Variants in KLHL2 observed in about 807,000 individuals in gnomAD.
The protein encoded by KLHL2 is kelch like family member 2.
A neutral mutation model predicts 75.8 loss-of-function variants in KLHL2; 15 were observed. The ratio of observed to expected loss-of-function variants is 0.20; its 90% confidence interval spans 0.13 to 0.30. The LOEUF (loss-of-function observed/expected upper bound fraction) is 0.30, where lower values mean the gene tolerates loss of function less well. Among genes scored for constraint, KLHL2 ranks in the 10% least tolerant of loss-of-function variants. KLHL2 has a pLI of 1.00. For missense variants in KLHL2, 381 were observed against 741.0 expected (o/e 0.51, Z 5.64); for synonymous variants, 214 against 251.9 (o/e 0.85, Z 1.42).
intron 9 of KLHL2, among the ~76,000 whole-genome samples, chr4:165,306,134 A>G (rs1314826279): frequency 6.6e-6 from 1 of 152,234 alleles, no homozygotes; most frequent in East Asian, 1.9e-4. Flanking sequence ...ATTTGTTGAA[A>G]TAGACTTTCA....
intron 4 of KLHL2, 75 bp downstream of exon 4, chr4:165,238,974 G>A: frequency 6.6e-7 from 1 of 1,512,666 alleles, no homozygotes. Context: ...CACCCACACA[G>A]TATACAATTT....
chr4:165,210,379 G>T (rs1737126378), intron 1 of KLHL2, among the ~76,000 whole-genome samples: 1 of 152,074 alleles, frequency 6.6e-6, no homozygotes, highest in South Asian at 2.1e-4. Flanking sequence ...ACCATTCCTG[G>T]TTCCTTCAGG....
chr4:165,299,693 C>T (rs762550435), intron 8 of KLHL2, 37 bp downstream of exon 8: 18 of 1,536,914 alleles, frequency 1.2e-5, no homozygotes, highest in Non-Finnish European at 1.6e-5. Context: ...TTACCTCATG[C>T]AAAAGGCTTA....
intron 5 of KLHL2, chr4:165,277,748 AACAC>A (rs56079802): frequency 0.031 from 16,367 of 528,274 alleles, 154 homozygotes; most frequent in African/African-American, 0.081. Context: ...GGATGTTAAA[AACAC>A]ACACACACAC....
rs1298501422 is a variant in KLHL2, at chr4:165,322,503, AC to A, written c.*444del. On this transcript the variant is annotated 3_prime_UTR_variant, in exon 15 of 15. Coordinates refer to ENST00000226725, the MANE Select transcript of KLHL2 (RefSeq NM_007246.4). Reference sequence around the variant, plus strand: ...CAGATATTAAAATCTACGTAAGTATACAAACTAGTTGAGGGATACACTGTTT... The same window carrying A: ...CAGATATTAAAATCTACGTAAGTATAAAACTAGTTGAGGGATACACTGTTT... The A allele has an allele frequency of 6.5e-6, 1 of 154,720 alleles. No homozygotes were observed. Among genetic ancestry groups the A allele is most frequent in the Non-Finnish European group, 1.4e-5 (1 of 69,716 alleles). 9.6% of individuals were successfully genotyped at this position (154,720 alleles called of 1,614,324 possible).
At chr4:165,286,063 G>A (rs1370645089) in intron 5 of KLHL2, among the ~76,000 whole-genome samples, 12 of 152,172 alleles carry the variant, frequency 7.9e-5, no homozygotes, top group Non-Finnish European at 1.6e-4. Context: ...TTTATGTTGA[G>A]AGGAATATCA....
rs1560784343 is a variant in KLHL2, at chr4:165,264,757, TATATATATAA to T, written c.544+1400_544+1409del. ...ATATATATGTATATATATATATATA[TATATATATAA>T]AACATTATCCACTCATTGGCTGATG... On this transcript the variant is annotated intron_variant, in intron 5 of 14. Transcript: ENST00000226725. 4.8e-3 allele frequency among the ~76,000 whole-genome samples: 426 copies of T among 88,824 alleles called. 9 individuals are homozygous for T. Among genetic ancestry groups the T allele is most frequent in the African/African-American group, 0.02 (401 of 20,186 alleles). 58.3% of individuals were successfully genotyped at this position (88,824 alleles called of 152,430 possible).
At chr4:165,218,136 C>G (rs531891221) in intron 1 of KLHL2, among the ~76,000 whole-genome samples, 1 of 152,182 alleles carries the variant, frequency 6.6e-6, no homozygotes, top group South Asian at 2.1e-4. Context: ...TTGTAATATC[C>G]TGCTAAATAG....
intron 5 of KLHL2, among the ~76,000 whole-genome samples, chr4:165,286,550 A>G (rs1040404470): frequency 6.6e-6 from 1 of 152,178 alleles, no homozygotes; most frequent in Non-Finnish European, 1.5e-5. Context: ...AAACATATAT[A>G]GAATCCTAAC....
At chr4:165,238,314 G>A (rs1175767454) in intron 3 of KLHL2, among the ~76,000 whole-genome samples, 2 of 152,188 alleles carry the variant, frequency 1.3e-5, no homozygotes, top group African/African-American at 4.8e-5. Flanking sequence ...TCTGGTGCAG[G>A]CTATGCATGC....
intron 5 of KLHL2, among the ~76,000 whole-genome samples, chr4:165,270,799 A>C (rs1176336167): frequency 6.6e-6 from 1 of 152,170 alleles, no homozygotes; most frequent in Non-Finnish European, 1.5e-5. Flanking sequence ...TTGAGGAGGC[A>C]GTTTGTCCCT....
intron 11 of KLHL2, 63 bp from the exon 12 acceptor site, chr4:165,313,175 A>T: frequency 2.0e-6 from 3 of 1,537,134 alleles, no homozygotes; most frequent in Middle Eastern, 1.8e-4. Context: ...GGCTTGAAAA[A>T]TTAGTGTTTT....
At chr4:165,300,640 C>T (rs892377009) in intron 8 of KLHL2, among the ~76,000 whole-genome samples, 27 of 152,198 alleles carry the variant, frequency 1.8e-4, no homozygotes, top group African/African-American at 5.8e-4. Context: ...GTTGGCAATT[C>T]CTTCTGCTCT....
intron 4 of KLHL2, among the ~76,000 whole-genome samples, chr4:165,262,817 G>A (rs1404250583): frequency 3.3e-5 from 5 of 152,106 alleles, no homozygotes; most frequent in South Asian, 2.1e-4. Context: ...GAACTCAAGC[G>A]ATCCTCCTGT....
chr4:165,283,104 T>C (rs1006585159), intron 5 of KLHL2, among the ~76,000 whole-genome samples: 5 of 152,174 alleles, frequency 3.3e-5, no homozygotes, highest in African/African-American at 1.2e-4. Flanking sequence ...TCAGTTGTCT[T>C]CCACTGGGTC....
At chr4:165,214,079 A>G (rs1304532786) in intron 1 of KLHL2, among the ~76,000 whole-genome samples, 2 of 152,146 alleles carry the variant, frequency 1.3e-5, no homozygotes, top group African/African-American at 2.4e-5. Flanking sequence ...AGTATTTGGC[A>G]TAGACAGAAC....
At chr4:165,223,157 G>C (rs1738144962) in intron 2 of KLHL2, among the ~76,000 whole-genome samples, 1 of 152,162 alleles carries the variant, frequency 6.6e-6, no homozygotes, top group South Asian at 2.1e-4. Context: ...GAAATTATTT[G>C]GTTTAAAAAC....
At chr4:165,307,056 TC>T (rs1390379631) in intron 9 of KLHL2, among the ~76,000 whole-genome samples, 2 of 152,192 alleles carry the variant, frequency 1.3e-5, no homozygotes, top group Non-Finnish European at 2.9e-5. Context: ...ATGCCTGTAA[TC>T]CCAGCGCTTT....
chr4:165,271,205 A>G (rs546984518), intron 5 of KLHL2, among the ~76,000 whole-genome samples: 9 of 151,842 alleles, frequency 5.9e-5, no homozygotes, highest in African/African-American at 2.2e-4. Context: ...TGGCATTTTG[A>G]TAGGAATTGC....
Sources: allele counts gnomAD v4.1 joint callset (sites outside exome capture counted in the v4.1 genomes callset), GRCh38; gene constraint gnomAD v4.1.1; transcripts MANE v1.5; gene names NCBI Gene and HGNC (gene_info 2026-07-23, HGNC 2026-07-21).